The following GATA4 variants were observed in gnomAD, a reference collection of about 807,000 sequenced individuals.
GATA4 encodes transcription factor GATA-4.
Under a neutral mutation model 37.9 loss-of-function variants are expected in GATA4, and 7 were observed. That is an observed-to-expected ratio of 0.18 (90% CI 0.11 to 0.35). GATA4 has a LOEUF of 0.35. Ranked by LOEUF, GATA4 falls within the 10% of genes least tolerant of loss-of-function variation. The probability of loss-of-function intolerance (pLI) is 1.00; values close to 1 mark genes in which losing one functional copy is unlikely to be tolerated. For missense variants in GATA4, 647 were observed against 653.0 expected (o/e 0.99, Z 0.10); for synonymous variants, 372 against 292.6 (o/e 1.27, Z -2.77).
At chr8:11,754,296 A>T (rs929469322) in intron 4 of GATA4, among the ~76,000 whole-genome samples, 1 of 152,292 alleles carries the variant, frequency 6.6e-6, no homozygotes, top group Non-Finnish European at 1.5e-5. Flanking sequence ...GGCTTGCTGG[A>T]GCCTCGACTT....
intron 1 of GATA4, among the ~76,000 whole-genome samples, chr8:11,682,271 C>G (rs1313593797): frequency 1.3e-5 from 2 of 152,192 alleles, no homozygotes; most frequent in East Asian, 3.8e-4. Context: ...GTAGCTTCCA[C>G]TAACTCTAAA....
intron 1 of GATA4, among the ~76,000 whole-genome samples, chr8:11,681,683 TTCTC>T (rs1296909086): frequency 1.3e-5 from 2 of 152,324 alleles, no homozygotes; most frequent in East Asian, 1.9e-4. Context: ...CTCTCTTCAT[TTCTC>T]TCTTTTTCCT....
upstream of GATA4, among the ~76,000 whole-genome samples, chr8:11,692,252 G>T (rs1309090571): frequency 6.6e-6 from 1 of 152,186 alleles, no homozygotes; most frequent in Non-Finnish European, 1.5e-5. Context: ...TGAGCGCAGG[G>T]GTGGAGAATG....
In GATA4 at chr8:11,750,126, G is replaced by A. The variant is rs116781972; in HGVS notation, c.802G>A (p.Val268Met). 65 of 1,614,140 alleles carry A rather than the reference G, an allele frequency of 4.0e-5. No homozygotes were observed. In the East Asian group the frequency reaches 1.4e-3, roughly 35 times the overall value. Residue 268 changes from valine to methionine, a missense_variant, in exon 4 of 7, where the codon GTG becomes ATG. Physicochemically the swap from Val to Met is conservative, Grantham distance 21. Coordinates refer to ENST00000532059, the MANE Select transcript of GATA4 (RefSeq NM_001308093.3). ...PQRRLSASRR[V>M]GLSCANCQTT... is the part of the protein sequence containing the mutation. ...TGTCTTGCAGTCCGCCTCCCGCCGAGTGGGCCTCTCCTGTGCCAACTGCCA... is the reference window on the plus strand; with the variant it reads ...TGTCTTGCAGTCCGCCTCCCGCCGAATGGGCCTCTCCTGTGCCAACTGCCA...
intron 1 of GATA4, chr8:11,692,986 A>T: frequency 1.0e-6 from 1 of 985,186 alleles, no homozygotes; most frequent in Non-Finnish European, 1.2e-6. Context: ...GCCATCCATC[A>T]CCCGGGCTGC....
chr8:11,758,565 C>T lies in GATA4; in HGVS notation c.*90C>T, dbSNP rs1585707737. ...GCCCTGGGCTCCCAGGGGCCGGCCT[C>T]CTCTGCCTGGTAATGACTCCAGAAC... On this transcript the variant is annotated 3_prime_UTR_variant, in exon 7 of 7. Coordinates refer to ENST00000532059, the MANE Select transcript of GATA4 (RefSeq NM_001308093.3). 3.3e-5 allele frequency: 42 copies of T among 1,280,268 alleles called. No homozygotes were observed. In the Middle Eastern group the frequency reaches 5.7e-4, roughly 17 times the overall value. 79.3% of individuals were successfully genotyped at this position (1,280,268 alleles called of 1,614,324 possible).
intron 5 of GATA4, 151 bp downstream of exon 5, chr8:11,755,284 G>C (rs940453922): frequency 7.4e-6 from 5 of 674,562 alleles, no homozygotes; most frequent in African/African-American, 7.3e-5. Context: ...ACAGGATGAA[G>C]AGCCCAGCAA....
intron 2 of GATA4, among the ~76,000 whole-genome samples, 153 bp from the exon 3 acceptor site, chr8:11,748,763 A>G (rs1033283226): frequency 6.6e-6 from 1 of 152,218 alleles, no homozygotes. Context: ...GGCTGAAGTC[A>G]GAGTGAGGAA....
chr8:11,697,548 C>T (rs1563192566), intron 1 of GATA4: 24 of 985,296 alleles, frequency 2.4e-5, no homozygotes, highest in Non-Finnish European at 2.8e-5. Flanking sequence ...AGGCCACTTT[C>T]CCCTCCACCG....
intron 2 of GATA4, among the ~76,000 whole-genome samples, chr8:11,717,912 A>T (rs1329305068): frequency 6.6e-6 from 1 of 152,248 alleles, no homozygotes; most frequent in East Asian, 1.9e-4. Flanking sequence ...ACTTCCCAGG[A>T]TTCAGACCCT....
chr8:11,752,602 T>G (rs946033787), intron 4 of GATA4, among the ~76,000 whole-genome samples: 1 of 152,210 alleles, frequency 6.6e-6, no homozygotes, highest in East Asian at 1.9e-4. Context: ...AAGATGAGAT[T>G]TTGGTGGGGA....
chr8:11,756,014 T>C (rs1286832986), intron 5 of GATA4, among the ~76,000 whole-genome samples: 1 of 151,354 alleles, frequency 6.6e-6, no homozygotes, highest in African/African-American at 2.4e-5. Flanking sequence ...ATTAGATTTA[T>C]TTATAAAATT....
Position 11,709,514 on chromosome 8 carries a change from A to G in GATA4, c.616+586A>G, listed in dbSNP as rs985037955. On this transcript the variant is annotated intron_variant, in intron 2 of 6. Transcript: ENST00000532059. This position sits in a 1 kb window ranked among gnomAD's most constrained non-coding sequence, Gnocchi z 4.3. Reference sequence around the variant, plus strand: ...AGGAGACGCCGGGGAGATGCGCGGAACAGGAGCCGGCACTGTGCGGGTGCC... The same window carrying G: ...AGGAGACGCCGGGGAGATGCGCGGAGCAGGAGCCGGCACTGTGCGGGTGCC... Among the ~76,000 whole-genome samples the G allele has an allele frequency of 6.9e-6, 1 of 144,158 alleles. No homozygotes were observed. The highest frequency in any genetic ancestry group is 2.6e-5 in the African/African-American group (1 of 38,374). The allele number at this position is 144,158 out of a possible 152,430, so 94.6% of individuals were successfully genotyped here.
At chr8:11,752,433 T>C (rs904477202) in intron 4 of GATA4, among the ~76,000 whole-genome samples, 22 of 152,034 alleles carry the variant, frequency 1.4e-4, no homozygotes, top group African/African-American at 3.9e-4. Flanking sequence ...CAAGAGAGAA[T>C]GAGAGCCAAG....
In GATA4 at chr8:11,708,188, T is replaced by G. The variant is rs1403096159; in HGVS notation, c.-125T>G. The G allele has an allele frequency of 1.8e-6, 2 of 1,126,908 alleles. No individual in the cohort carries two copies. Among genetic ancestry groups the G allele is most frequent in the African/African-American group, 3.1e-5 (2 of 65,156 alleles). 69.8% of individuals were successfully genotyped at this position (1,126,908 alleles called of 1,614,324 possible). Reference sequence around the variant, plus strand: ...AGCGAGTTGGTTTTTTCCCCTTTGATTTTTGATCTTCGCGACAGTTCCTCC... The same window carrying G: ...AGCGAGTTGGTTTTTTCCCCTTTGAGTTTTGATCTTCGCGACAGTTCCTCC... On this transcript the variant is annotated 5_prime_UTR_variant, in exon 2 of 7. Transcript: ENST00000532059. The surrounding 1 kb of genome is among the most constrained non-coding windows in gnomAD (Gnocchi z 6.7).
At chr8:11,695,089 G>A (rs1253891702) in intron 1 of GATA4, among the ~76,000 whole-genome samples, 14 of 152,210 alleles carry the variant, frequency 9.2e-5, no homozygotes, top group Admixed American at 3.9e-4. Context: ...GCAACTGAGC[G>A]TAATGGAAAT....
upstream of GATA4, among the ~76,000 whole-genome samples, chr8:11,702,938 G>T (rs941778800): frequency 6.6e-6 from 1 of 152,230 alleles, no homozygotes; most frequent in Non-Finnish European, 1.5e-5. This position sits in a 1 kb window ranked among gnomAD's most constrained non-coding sequence, Gnocchi z 4.4. Context: ...CCAGGAGTTG[G>T]CCACGATCCC....
At chr8:11,713,853 C>A (rs1362065304) in intron 2 of GATA4, among the ~76,000 whole-genome samples, 1 of 152,192 alleles carries the variant, frequency 6.6e-6, no homozygotes, top group Admixed American at 6.5e-5. Flanking sequence ...AGGATAGGAT[C>A]TGCATGTGCC....
intron 2 of GATA4, among the ~76,000 whole-genome samples, chr8:11,740,223 ACTAC>A (rs1165216350): frequency 2.0e-5 from 3 of 152,176 alleles, no homozygotes; most frequent in African/African-American, 7.2e-5. Flanking sequence ...AGTCAGCCGT[ACTAC>A]CTGTCAGCCG....
Sources: gnomAD v4.1 joint callset for allele counts (sites outside exome capture counted in the v4.1 genomes callset) on GRCh38, gnomAD v4.1.1 for gene constraint, Gnocchi (gnomAD v3.1) non-coding constraint, MANE v1.5 for transcripts, NCBI Gene and HGNC (gene_info 2026-07-23, HGNC 2026-07-21) for gene names.